Variants in EFR3B observed in about 807,000 individuals in gnomAD.
EFR3B encodes EFR3 homolog B.
In EFR3B, 64 loss-of-function variants were observed where a neutral mutation model predicts 104.7. The ratio of observed to expected loss-of-function variants is 0.61; its 90% confidence interval spans 0.50 to 0.75. The LOEUF (loss-of-function observed/expected upper bound fraction) is 0.75. EFR3B is among the 30% of genes least tolerant of loss of function. EFR3B has a pLI of 0.00. For missense variants in EFR3B, 750 were observed against 1,078.5 expected (o/e 0.70, Z 4.27); for synonymous variants, 385 against 417.9 (o/e 0.92, Z 0.96).
intron 1 of EFR3B, among the ~76,000 whole-genome samples, chr2:25,061,599 T>A (rs1185009273): frequency 6.6e-6 from 1 of 152,088 alleles, no homozygotes; most frequent in Non-Finnish European, 1.5e-5. Context: ...GTTCAAGTGA[T>A]TCTCCTGTGT....
intron 1 of EFR3B, among the ~76,000 whole-genome samples, chr2:25,043,119 T>C (rs1667618588): frequency 6.6e-6 from 1 of 152,230 alleles, no homozygotes; most frequent in East Asian, 1.9e-4. Flanking sequence ...AATGGAGCAC[T>C]GGAGACCTAG....
At chr2:25,129,330 G>A (rs1168526114) in intron 6 of EFR3B, among the ~76,000 whole-genome samples, 2 of 131,810 alleles carry the variant, frequency 1.5e-5, no homozygotes, top group Non-Finnish European at 3.1e-5. Flanking sequence ...GGGGGCGGGG[G>A]CGGGGGCGGG....
intron 5 of EFR3B, among the ~76,000 whole-genome samples, chr2:25,125,720 G>A (rs1305216816): frequency 3.9e-5 from 6 of 152,272 alleles, no homozygotes; most frequent in South Asian, 2.1e-4. Flanking sequence ...AGGCCAAGGC[G>A]GGAGGATCAC....
intron 1 of EFR3B, chr2:25,081,396 C>T: frequency 1.8e-6 from 2 of 1,122,998 alleles, no homozygotes; most frequent in Admixed American, 1.8e-5. Flanking sequence ...TTATCCTGCA[C>T]ATGTTATTTC....
At chr2:25,099,322 G>A (rs2149188908) in intron 3 of EFR3B, among the ~76,000 whole-genome samples, 1 of 152,144 alleles carries the variant, frequency 6.6e-6, no homozygotes, top group East Asian at 1.9e-4. Flanking sequence ...AGCCAGGAAT[G>A]GCTGTCCTGG....
intron 3 of EFR3B, among the ~76,000 whole-genome samples, chr2:25,099,161 C>T (rs1438443040): frequency 6.6e-6 from 1 of 152,154 alleles, no homozygotes; most frequent in Non-Finnish European, 1.5e-5. Flanking sequence ...AGCCTGTCCC[C>T]TTTGGAAGGG....
chr2:25,053,642 C>T (rs1037755632), intron 1 of EFR3B, among the ~76,000 whole-genome samples: 5 of 152,266 alleles, frequency 3.3e-5, no homozygotes, highest in African/African-American at 4.8e-5. Flanking sequence ...CGGTGGCTCA[C>T]GCCTGCAATC....
intron 4 of EFR3B, among the ~76,000 whole-genome samples, chr2:25,113,678 AAAAAG>A (rs1054468145): frequency 1.3e-4 from 14 of 109,920 alleles, no homozygotes; most frequent in African/African-American, 3.3e-4. Context: ...AAAAAAAAAA[AAAAAG>A]AAAAGAAAAG....
chr2:25,045,015 T>C (rs1490928652), intron 1 of EFR3B, among the ~76,000 whole-genome samples: 5 of 152,216 alleles, frequency 3.3e-5, no homozygotes, highest in African/African-American at 1.2e-4. Context: ...ATTAAATCCC[T>C]GTATACAAAA....
chr2:25,099,870 TAAA>T (rs59603684), intron 3 of EFR3B, among the ~76,000 whole-genome samples: 18 of 139,002 alleles, frequency 1.3e-4, no homozygotes, highest in African/African-American at 2.9e-4. Context: ...AAACTTTGTT[TAAA>T]AAAAAAAAAA....
At chr2:25,103,831 T>TG in intron 4 of EFR3B, 44 bp downstream of exon 4, 1 of 1,547,102 alleles carries the variant, frequency 6.5e-7, no homozygotes, top group East Asian at 2.5e-5. Flanking sequence ...AGCCGCATCC[T>TG]GGGGGGTGGC....
intron 3 of EFR3B, among the ~76,000 whole-genome samples, chr2:25,101,717 T>C (rs540456656): frequency 6.6e-6 from 1 of 152,226 alleles, no homozygotes; most frequent in South Asian, 2.1e-4. Context: ...GACTGGGAAA[T>C]GGAGTCCCAA....
chr2:25,085,954 G>A (rs1276940073), intron 1 of EFR3B, among the ~76,000 whole-genome samples: 1 of 151,636 alleles, frequency 6.6e-6, no homozygotes, highest in Non-Finnish European at 1.5e-5. Flanking sequence ...GGCTCTGCTC[G>A]CCAGAGCATC....
Position 25,130,689 on chromosome 2 carries a change from A to G in EFR3B, c.849+59A>G, listed in dbSNP as rs1484758913. ...GGACAAAGGCCTCTCTAGAAGCTAG[A>G]CGGGTGCTAAAATAGAAAGCCAGAA... On this transcript the variant is annotated intron_variant, in intron 8 of 22. Transcript: ENST00000403714. This position sits in a 1 kb window ranked among gnomAD's most constrained non-coding sequence, Gnocchi z 4.6. 4 of 1,460,132 alleles carry G rather than the reference A, an allele frequency of 2.7e-6. No homozygotes were observed. The highest frequency in any genetic ancestry group is 3.8e-6 in the Non-Finnish European group (4 of 1,064,292). The allele number at this position is 1,460,132 out of a possible 1,614,324, so 90.4% of individuals were successfully genotyped here.
chr2:25,126,875 A>T (rs947310508), intron 5 of EFR3B, among the ~76,000 whole-genome samples: 44 of 152,038 alleles, frequency 2.9e-4, no homozygotes, highest in African/African-American at 1.1e-3. Flanking sequence ...TCATACAATG[A>T]TGCCCATCAT....
chr2:25,087,862 A>G (rs1024010532), intron 1 of EFR3B, among the ~76,000 whole-genome samples: 2 of 152,062 alleles, frequency 1.3e-5, no homozygotes, highest in African/African-American at 4.8e-5. Context: ...CTAAGAAGTC[A>G]TCGCCAAAAG....
chr2:25,108,829 T>TTATGAAACCCCAC (rs1669638114), intron 4 of EFR3B, among the ~76,000 whole-genome samples: 1 of 130,404 alleles, frequency 7.7e-6, no homozygotes, highest in Non-Finnish European at 1.9e-5. Context: ...TGAAACCCCA[T>TTATGAAACCCCAC]CTCTACTAAA....
intron 1 of EFR3B, among the ~76,000 whole-genome samples, chr2:25,064,930 C>T (rs1280347501): frequency 6.6e-6 from 1 of 152,134 alleles, no homozygotes; most frequent in Non-Finnish European, 1.5e-5. Flanking sequence ...ATCAAAGCTA[C>T]CAAACACATT....
At chr2:25,082,357 G>T (rs1320975391) in intron 1 of EFR3B, among the ~76,000 whole-genome samples, 1 of 152,196 alleles carries the variant, frequency 6.6e-6, no homozygotes, top group Non-Finnish European at 1.5e-5. Context: ...GAGGAACTCT[G>T]ACCCAGGCTC....
Sources: gnomAD v4.1 joint callset for allele counts (sites outside exome capture counted in the v4.1 genomes callset) on GRCh38, gnomAD v4.1.1 for gene constraint, Gnocchi (gnomAD v3.1) non-coding constraint, MANE v1.5 for transcripts, NCBI Gene and HGNC (gene_info 2026-07-23, HGNC 2026-07-21) for gene names.